The following PLCD1 variants were observed in gnomAD, a reference collection of about 807,000 sequenced individuals.
PLCD1 encodes the protein 1-phosphatidylinositol 4,5-bisphosphate phosphodiesterase delta-1.
A neutral mutation model predicts 87.4 loss-of-function variants in PLCD1; 71 were observed. The ratio of observed to expected loss-of-function variants is 0.81; its 90% CI spans 0.67 to 0.99. The LOEUF is 0.99. Among genes scored for constraint, PLCD1 ranks in the 50% least tolerant of loss-of-function variants. PLCD1 has a pLI of 0.00. For missense variants in PLCD1, 867 were observed against 1,001.5 expected, an observed-to-expected ratio of 0.87 and a Z score of 1.81; for synonymous variants, 348 against 399.2, an observed-to-expected ratio of 0.87 and a Z score of 1.53.
chr3:38,009,514 G>C (rs1458483172), intron 9 of PLCD1, 83 bp from the exon 10 acceptor site: 1 of 1,554,044 alleles, frequency 6.4e-7, no homozygotes, highest in Non-Finnish European at 8.9e-7. Flanking sequence ...CAGGCGCAGA[G>C]AGACAGAGGG....
In PLCD1 at chr3:38,010,067, G is replaced by C. The variant is rs201357383; in HGVS notation, c.1138-14C>G. On this transcript the variant is annotated splice_polypyrimidine_tract_variant and intron_variant, in intron 7 of 14. Transcript: ENST00000334661. ...GTAGGGGGACGCCTGGAGGCCCAAG[G>C]GCACATTAGGAGTGGTGGGCCACCC... 79 of 1,614,060 alleles carry C rather than the reference G, an allele frequency of 4.9e-5. No individual in the cohort carries two copies. Among genetic ancestry groups the C allele is most frequent in the Non-Finnish European group, 5.8e-5 (68 of 1,180,002 alleles).
chr3:38,024,456 T>C, intron 1 of PLCD1: 1 of 1,602,482 alleles, frequency 6.2e-7, no homozygotes, highest in Non-Finnish European at 8.5e-7. Context: ...TGCCCCTGCC[T>C]GCGCGGAGCC....
Position 38,017,883 on chromosome 3 carries a change from G to A in PLCD1, c.200-1164C>T, listed in dbSNP as rs914734484. On this transcript the variant is annotated intron_variant, in intron 2 of 14. Transcript: ENST00000334661. This position sits in a 1 kb window ranked among gnomAD's most constrained non-coding sequence, Gnocchi z 4.7. Reference sequence around the variant, plus strand: ...CCATGTGGGGGACAGAGGATAGCACGGCTTAATCCCTCTGCCTGCAGCCCC... The same window carrying A: ...CCATGTGGGGGACAGAGGATAGCACAGCTTAATCCCTCTGCCTGCAGCCCC... Among the ~76,000 whole-genome samples the A allele has an allele frequency of 7.9e-5, 12 of 152,160 alleles. No homozygotes were observed. Among genetic ancestry groups the A allele is most frequent in the African/African-American group, 1.4e-4 (6 of 41,444 alleles).
intron 1 of PLCD1, among the ~76,000 whole-genome samples, chr3:38,028,601 A>C (rs749554638): frequency 2.0e-5 from 3 of 152,206 alleles, no homozygotes; most frequent in Non-Finnish European, 4.4e-5. Context: ...ATATACAGTA[A>C]AGCAGTGATT....
At chr3:38,020,438 C>T in intron 1 of PLCD1, 86 bp from the exon 2 acceptor site, 1 of 1,267,032 alleles carries the variant, frequency 7.9e-7, no homozygotes, top group Non-Finnish European at 1.1e-6. Flanking sequence ...CCACCTCGAC[C>T]CTCTCAGAGC....
intron 1 of PLCD1, among the ~76,000 whole-genome samples, chr3:38,026,674 C>T (rs1700313176): frequency 6.6e-6 from 1 of 152,228 alleles, no homozygotes; most frequent in Non-Finnish European, 1.5e-5. Context: ...CAGGGGCAGA[C>T]TGCTTTGGAA....
At chr3:38,013,760 C>A (rs1382939497) in intron 3 of PLCD1, among the ~76,000 whole-genome samples, 2 of 152,110 alleles carry the variant, frequency 1.3e-5, no homozygotes, top group Non-Finnish European at 2.9e-5. Context: ...CAAGGCTCTG[C>A]CAAAGGTGGG....
chr3:38,024,704 C>G, intron 1 of PLCD1: 1 of 1,478,656 alleles, frequency 6.8e-7, no homozygotes, highest in East Asian at 2.7e-5. Flanking sequence ...GGGACCTATG[C>G]CCCCTGAAGG....
At position 38,016,530 on chromosome 3, in the gene PLCD1, T is replaced by G; in HGVS notation, c.389A>C (p.His130Pro). 1 of 1,613,898 alleles carries G rather than the reference T, an allele frequency of 6.2e-7. No individual in the cohort carries two copies. The highest frequency in any genetic ancestry group is 8.5e-7 in the Non-Finnish European group (1 of 1,179,884). The change falls in exon 3 of 15, where the codon CAC becomes CCC. Residue 130 changes from histidine (H) to proline (P), a missense_variant. Transcript: ENST00000334661. Reference sequence around the variant, plus strand: ...ACGCTGGTCCATGGAGCCTGAGTGGTGGATGATCTTGTGCAGCCCCAGCAC... The same window carrying G: ...ACGCTGGTCCATGGAGCCTGAGTGGGGGATGATCTTGTGCAGCCCCAGCAC... ...HWVLGLHKII[H>P]HSGSMDQRQK...
At chr3:38,021,153 C>A (rs747873261) in intron 1 of PLCD1, among the ~76,000 whole-genome samples, 3 of 152,126 alleles carry the variant, frequency 2.0e-5, no homozygotes, top group African/African-American at 4.8e-5. Context: ...CTGTCCCCCC[C>A]ACCTCTGACT....
intron 2 of PLCD1, 150 bp from the exon 3 acceptor site, chr3:38,016,869 G>A (rs1700164625): frequency 1.4e-6 from 1 of 706,640 alleles, no homozygotes; most frequent in Non-Finnish European, 2.6e-6. Flanking sequence ...AGAAGGAAAG[G>A]AGAGGGGCAG....
chr3:38,008,274 C>T lies in PLCD1; in HGVS notation c.1996G>A (p.Asp666Asn). Residue 666 changes from aspartate to asparagine, a missense_variant, in exon 13 of 15, where the codon GAC becomes AAC. Asp to Asn is a conservative substitution (Grantham distance 23). Transcript: ENST00000334661. ...VTVEIHGVSR[D>N]VASRQTAVIT... ...ACAGCAGTCTGGCGGCTGGCCACGTCCCGGCTCACGCCATGGATCTCCACT... is the reference window on the plus strand; with the variant it reads ...ACAGCAGTCTGGCGGCTGGCCACGTTCCGGCTCACGCCATGGATCTCCACT... 6.2e-7 allele frequency: 1 copy of T among 1,614,198 alleles called. No homozygotes were observed. Among genetic ancestry groups the T allele is most frequent in the Non-Finnish European group, 8.5e-7 (1 of 1,180,026 alleles).
At chr3:38,024,470 TC>T in intron 1 of PLCD1, 1 of 1,590,930 alleles carries the variant, frequency 6.3e-7, no homozygotes, top group Non-Finnish European at 8.6e-7. Flanking sequence ...CGGAGCCGGG[TC>T]CGGGGCAGTG....
intron 2 of PLCD1, among the ~76,000 whole-genome samples, 200 bp from the exon 3 acceptor site, chr3:38,016,919 CAG>C (rs1301657457): frequency 2.0e-5 from 3 of 152,048 alleles, no homozygotes; most frequent in African/African-American, 7.2e-5. Flanking sequence ...GAAAGGAAGA[CAG>C]AAACTGAGGG....
At chr3:38,008,706 G>T in intron 11 of PLCD1, 70 bp from the exon 12 acceptor site, 1 of 1,369,728 alleles carries the variant, frequency 7.3e-7, no homozygotes, top group Non-Finnish European at 1.0e-6. Context: ...CCTGCTCAGG[G>T]TACACTAAGG....
At position 38,011,095 on chromosome 3, in the gene PLCD1, G is replaced by T. The variant is rs1489326635; in HGVS notation, c.790+119C>A. 2.0e-5 allele frequency: 15 copies of T among 733,656 alleles called. No individual in the cohort carries two copies. In the East Asian group the frequency reaches 4.1e-4, roughly 20 times the overall value. 45.4% of individuals were successfully genotyped at this position (733,656 alleles called of 1,614,324 possible). A position where few individuals can be genotyped will look rare whatever the true frequency, so the allele number is the denominator to read the frequency against. ...AGAAAGTGTGGAGCAGGGCCCCGGG[G>T]CTGGCTGAGGCAGCCCCTTCCCTCC... On this transcript the variant is annotated intron_variant, in intron 5 of 14. Coordinates refer to ENST00000334661, the MANE Select transcript of PLCD1 (RefSeq NM_006225.4).
rs771125584 is a variant in PLCD1, at chr3:38,009,928, G to A, written c.1263C>T (p.Val421=). 6.2e-7 allele frequency: 1 copy of A among 1,611,528 alleles called. No individual in the cohort carries two copies. The highest frequency in any genetic ancestry group is 1.1e-5 in the South Asian group (1 of 90,752). ...PMLLNRPLDG[V]TNSLPSPEQL... is the part of the protein sequence containing the mutation. ...CCTCAGGGGAGGGCAGGCTGTTGGT[G>A]ACCCCATCCAGTGGTCGGTTCAACA... Residue 421 remains valine, a synonymous_variant, in exon 8 of 15, where the codon GTC becomes GTT. Transcript: ENST00000334661.
Position 38,007,962 on chromosome 3 carries a change from C to T in PLCD1, c.2185+52G>A, listed in dbSNP as rs111260548. The T allele has an allele frequency of 1.1e-4, 185 of 1,612,274 alleles. 3 individuals carry two copies. In the African/African-American group the frequency reaches 1.3e-3, roughly 12 times the overall value. On this transcript the variant is annotated intron_variant, in intron 14 of 14. Transcript: ENST00000334661. ...GGACAGCCAGCCCCAGCCCAAGAGA[C>T]GCCAGGCCCTGCTTCCCACCACCTT...
Position 38,029,583 on chromosome 3 carries a change from T to C in PLCD1, c.-44A>G. ...CGGGAGGGGCACCGCGGGACTCACT[T>C]GAGTAGCGACAGCACCGGCGGCCTG... On this transcript the variant is annotated 5_prime_UTR_variant, in exon 1 of 15. Transcript: ENST00000334661. The C allele has an allele frequency of 6.5e-7, 1 of 1,529,862 alleles. No homozygotes were observed. Among genetic ancestry groups the C allele is most frequent in the East Asian group, 2.5e-5 (1 of 40,804 alleles). The allele number at this position is 1,529,862 out of a possible 1,614,324, so 94.8% of individuals were successfully genotyped here.
Sources: gnomAD v4.1 joint callset for allele counts (sites outside exome capture counted in the v4.1 genomes callset) on GRCh38, gnomAD v4.1.1 for gene constraint, Gnocchi (gnomAD v3.1) non-coding constraint, MANE v1.5 for transcripts, NCBI Gene and HGNC (gene_info 2026-07-23, HGNC 2026-07-21) for gene names.